LIPI: variants seen among roughly 807,000 people sequenced by gnomAD.
LIPI encodes the protein lipase member I.
Under a neutral mutation model 50.6 loss-of-function variants are expected in LIPI, and 59 were observed. The observed-to-expected ratio is 1.16, with a 90% CI of 0.94 to 1.45. LIPI has a LOEUF of 1.45. Ranked by LOEUF, LIPI falls within the 40% of genes most tolerant of loss-of-function variation. The pLI is 0.00. For missense variants in LIPI, 586 were observed against 536.3 expected (o/e 1.09, Z -0.92); for synonymous variants, 203 against 178.2 (o/e 1.14, Z -1.11).
chr21:14,120,967 A>G (rs1274198813), intron 9 of LIPI, among the ~76,000 whole-genome samples: 9 of 152,212 alleles, frequency 5.9e-5, no homozygotes, highest in Admixed American at 5.9e-4. Flanking sequence ...GACCCCAGGA[A>G]TTCAGGAAAC....
At chr21:14,138,260 GGATA>G (rs71183407) in intron 9 of LIPI, among the ~76,000 whole-genome samples, 3,863 of 151,832 alleles carry the variant, frequency 0.025, 108 homozygotes, top group Admixed American at 0.096. Context: ...TAATATAACA[GGATA>G]GATAGATAGA....
At chr21:14,158,989 A>G (rs1027883005) in intron 7 of LIPI, among the ~76,000 whole-genome samples, 4 of 151,592 alleles carry the variant, frequency 2.6e-5, no homozygotes, top group Non-Finnish European at 5.9e-5. Context: ...TTAAATTTGT[A>G]GTAAAAACTT....
rs146062344 is a variant in LIPI, at chr21:14,145,973, TATA to T, written c.1119-1177_1119-1175del. ...GGTTACCACCTTCTTTTTCACAGAC[TATA>T]ATGTCATTAGATATATCACTAATGT... On this transcript the variant is annotated intron_variant, in intron 8 of 9. Transcript: ENST00000681601. Among the ~76,000 whole-genome samples the T allele has an allele frequency of 4.1e-3, 632 of 152,296 alleles. 6 individuals are homozygous for T. Among genetic ancestry groups the T allele is most frequent in the African/African-American group, 0.014 (599 of 41,558 alleles).
intron 5 of LIPI, 61 bp from the exon 6 acceptor site, chr21:14,165,451 T>C: frequency 7.9e-7 from 1 of 1,267,586 alleles, no homozygotes; most frequent in Non-Finnish European, 1.1e-6. Flanking sequence ...CAAGTACATT[T>C]AAAAACAAAG....
intron 4 of LIPI, among the ~76,000 whole-genome samples, chr21:14,176,168 T>A (rs1450386414): frequency 3.5e-5 from 4 of 115,886 alleles, no homozygotes; most frequent in Non-Finnish European, 7.6e-5. Flanking sequence ...ACAGTGAGAC[T>A]CCGTCTCAAA....
At chr21:14,180,938 G>A (rs575775924) in intron 4 of LIPI, among the ~76,000 whole-genome samples, 449 of 152,102 alleles carry the variant, frequency 3.0e-3, no homozygotes, top group Middle Eastern at 0.01. Flanking sequence ...CTCCTGATTC[G>A]GTTTATAAGA....
chr21:14,194,570 A>T (rs2019780171), intron 1 of LIPI, among the ~76,000 whole-genome samples: 1 of 152,206 alleles, frequency 6.6e-6, no homozygotes, highest in Admixed American at 6.5e-5. Context: ...ATATGATTCA[A>T]TTTAAATGAG....
intron 9 of LIPI, among the ~76,000 whole-genome samples, chr21:14,114,860 A>G (rs2016562283): frequency 6.6e-6 from 1 of 152,216 alleles, no homozygotes; most frequent in South Asian, 2.1e-4. Flanking sequence ...AAAGAGAAAA[A>G]TCTTAAAACC....
intron 7 of LIPI, among the ~76,000 whole-genome samples, chr21:14,154,948 G>A (rs1159111139): frequency 6.6e-6 from 1 of 151,958 alleles, no homozygotes; most frequent in African/African-American, 2.4e-5. Flanking sequence ...TCACAACATT[G>A]TTAAGAAAAT....
At chr21:14,114,257 A>G (rs13050849) in intron 9 of LIPI, among the ~76,000 whole-genome samples, 49,233 of 151,864 alleles carry the variant, frequency 0.32, 8,745 homozygotes, top group African/African-American at 0.46. Context: ...CAATGAATCA[A>G]TTATTCAATT....
chr21:14,128,056 C>T (rs769017559), intron 9 of LIPI, among the ~76,000 whole-genome samples: 2 of 151,920 alleles, frequency 1.3e-5, no homozygotes, highest in African/African-American at 4.8e-5. Flanking sequence ...GAACCAATAA[C>T]GTTGTGTTCA....
chr21:14,174,737 C>T (rs569632514), intron 4 of LIPI, among the ~76,000 whole-genome samples: 8 of 151,882 alleles, frequency 5.3e-5, no homozygotes, highest in Admixed American at 6.6e-5. Context: ...GTATTTTTAG[C>T]AGAGATGGGC....
intron 9 of LIPI, among the ~76,000 whole-genome samples, chr21:14,123,871 C>T (rs964348446): frequency 2.0e-5 from 3 of 152,188 alleles, no homozygotes; most frequent in Non-Finnish European, 4.4e-5. Context: ...TAGACTACCT[C>T]CTGGCCTCAG....
At chr21:14,163,387 TTG>T in intron 7 of LIPI, 30 bp downstream of exon 7, 1 of 1,053,484 alleles carries the variant, frequency 9.5e-7, no homozygotes, top group East Asian at 2.4e-5. Context: ...AACTAAAAAT[TTG>T]TTTATTTGTT....
chr21:14,160,786 A>G (rs1190322794), intron 7 of LIPI, among the ~76,000 whole-genome samples: 4 of 151,436 alleles, frequency 2.6e-5, no homozygotes, highest in African/African-American at 9.7e-5. Flanking sequence ...AGAATTATCA[A>G]AAGTCAACAG....
chr21:14,206,033 T>C (rs990573438), intron 1 of LIPI, among the ~76,000 whole-genome samples: 22 of 152,124 alleles, frequency 1.4e-4, no homozygotes, highest in Non-Finnish European at 2.1e-4. Context: ...TTTCAAATTA[T>C]AGAAGCAGCA....
chr21:14,140,643 A>C (rs1347562734), intron 9 of LIPI, among the ~76,000 whole-genome samples: 1 of 152,110 alleles, frequency 6.6e-6, no homozygotes, highest in Admixed American at 6.6e-5. Flanking sequence ...ATCTAAAATT[A>C]ATCTTGATAT....
chr21:14,156,808 G>A (rs2018288710), intron 7 of LIPI, among the ~76,000 whole-genome samples: 1 of 151,826 alleles, frequency 6.6e-6, no homozygotes, highest in Non-Finnish European at 1.5e-5. Context: ...CTAGAAATGT[G>A]CTAGTAAGGA....
At chr21:14,180,530 G>A (rs182500156) in intron 4 of LIPI, among the ~76,000 whole-genome samples, 20 of 152,216 alleles carry the variant, frequency 1.3e-4, no homozygotes, top group Admixed American at 7.2e-4. Context: ...TTGAAATATC[G>A]GGGGTGGGTT....
Sources: allele counts gnomAD v4.1 joint callset (sites outside exome capture counted in the v4.1 genomes callset), GRCh38; gene constraint gnomAD v4.1.1; transcripts MANE v1.5; gene names NCBI Gene and HGNC (gene_info 2026-07-23, HGNC 2026-07-21).